CARD9: variants seen among roughly 807,000 people sequenced by gnomAD.
The protein encoded by CARD9 is caspase recruitment domain-containing protein 9.
CARD9 carries 53 observed loss-of-function variants against 66.0 expected under a neutral mutation model. That is an observed-to-expected ratio of 0.80 (90% CI 0.64 to 1.01). The LOEUF is 1.01. CARD9 is among the 50% of genes least tolerant of loss of function. CARD9 has a pLI of 0.00. For missense variants in CARD9, 769 were observed against 743.2 expected (o/e 1.03, Z -0.40); for synonymous variants, 387 against 313.8 (o/e 1.23, Z -2.47).
Position 136,364,074 on chromosome 9 carries a change from T to C in CARD9, c.*228A>G. 2 of 1,548,304 alleles carry C rather than the reference T, an allele frequency of 1.3e-6. No homozygotes were observed. The highest frequency in any genetic ancestry group is 2.0e-5 in the Admixed American group (1 of 51,008). The stretch of plus-strand genomic sequence containing the variant: ...AGATCCTGAAGTTACACAGATGGCG[T>C]GTGCATGGGGGTGGTGAGCACCCGC... On this transcript the variant is annotated 3_prime_UTR_variant, in exon 13 of 13. Coordinates refer to ENST00000371732, the MANE Select transcript of CARD9 (RefSeq NM_052813.5).
intron 11 of CARD9, 107 bp downstream of exon 11, chr9:136,365,027 CTCAGCTG>C: frequency 1.0e-6 from 1 of 998,352 alleles, no homozygotes; most frequent in South Asian, 1.4e-5. Flanking sequence ...GTGGTCACTC[CTCAGCTG>C]TCGTCGGGGC....
Position 136,364,466 on chromosome 9 carries a change from G to A in CARD9, c.1511+17C>T. ...TCCCCAGCCCGTTTTGGAGAAGCCT[G>A]GGGGCCGCCCGCCTACCTGCGGTAG... On this transcript the variant is annotated intron_variant, in intron 12 of 12. Transcript: ENST00000371732. The A allele has an allele frequency of 6.5e-7, 1 of 1,540,584 alleles. No homozygotes were observed. Among genetic ancestry groups the A allele is most frequent in the Non-Finnish European group, 8.7e-7 (1 of 1,146,876 alleles).
Position 136,367,214 on chromosome 9 carries a change from ACCT to A in CARD9, c.1310_1311+1del. Reference sequence around the variant, plus strand: ...CCTCGTGCTGGCTGGGGTCTCACTCACCTCCTGGGACCTCCTGGGTGAGCCATC... The same window carrying A: ...CCTCGTGCTGGCTGGGGTCTCACTCACCTGGGACCTCCTGGGTGAGCCATC... On this transcript the variant is annotated splice_donor_variant and coding_sequence_variant, in exon 9 of 13. Transcript: ENST00000371732. LOFTEE classifies it high-confidence loss of function. 1 of 1,611,624 alleles carries A rather than the reference ACCT, an allele frequency of 6.2e-7. No homozygotes were observed. Among genetic ancestry groups the A allele is most frequent in the Non-Finnish European group, 8.5e-7 (1 of 1,179,528 alleles).
Position 136,371,477 on chromosome 9 carries a change from G to A in CARD9, c.185-16C>T, listed in dbSNP as rs753610539. 17 of 1,521,340 alleles carry A rather than the reference G, an allele frequency of 1.1e-5. No individual in the cohort carries two copies. The allele number at this position is 1,521,340 out of a possible 1,614,324, so 94.2% of individuals were successfully genotyped here. ...AGGAGCACACCTGCGGGCCAGAGAGGCCTAACTGGGGGCGGGGCACAGGCG... is the reference window on the plus strand; with the variant it reads ...AGGAGCACACCTGCGGGCCAGAGAGACCTAACTGGGGGCGGGGCACAGGCG... On this transcript the variant is annotated splice_polypyrimidine_tract_variant and intron_variant, in intron 2 of 12. Coordinates refer to ENST00000371732, the MANE Select transcript of CARD9 (RefSeq NM_052813.5).
At chr9:136,368,344 C>A (rs961749623) in intron 7 of CARD9, among the ~76,000 whole-genome samples, 2 of 152,248 alleles carry the variant, frequency 1.3e-5, no homozygotes, top group Non-Finnish European at 2.9e-5. Context: ...GGCCAACGCG[C>A]TCCCGGGAAG....
chr9:136,369,066 T>G (rs1431411042), intron 7 of CARD9, among the ~76,000 whole-genome samples: 1 of 152,136 alleles, frequency 6.6e-6, no homozygotes, highest in Non-Finnish European at 1.5e-5. Flanking sequence ...GTGAGCCGCC[T>G]GCCTCGCCCT....
In CARD9 at chr9:136,373,559, C is replaced by T. The variant is rs894473411; in HGVS notation, c.-44G>A. The T allele has an allele frequency of 1.0e-6, 1 of 985,704 alleles. No homozygotes were observed. The highest frequency in any genetic ancestry group is 1.2e-6 in the Non-Finnish European group (1 of 830,140). The allele number at this position is 985,704 out of a possible 1,614,324, so 61.1% of individuals were successfully genotyped here. A position where few individuals can be genotyped will look rare whatever the true frequency, so the allele number is the denominator to read the frequency against. The stretch of plus-strand genomic sequence containing the variant: ...GAGGGTCTTCCAGGAGCCACCTGCA[C>T]TGCAGACACACCAGGAGCCTGGGCC... On this transcript the variant is annotated 5_prime_UTR_variant, in exon 1 of 13. It adds an upstream start codon to the 5' untranslated region. Coordinates refer to ENST00000371732, the MANE Select transcript of CARD9 (RefSeq NM_052813.5).
chr9:136,365,698 C>G (rs977429406), intron 10 of CARD9: 19 of 177,324 alleles, frequency 1.1e-4, no homozygotes, highest in African/African-American at 4.5e-4. Context: ...CCCTCAGAAA[C>G]CGCCAGGACC....
At position 136,366,298 on chromosome 9, in the gene CARD9, G is replaced by A. The variant is rs546249237; in HGVS notation, c.1357+502C>T. Reference sequence around the variant, plus strand: ...CACTGCCTTACCCCCACTGCACCGGGACACAGCAGGCCCTTGGCCACCCCT... The same window carrying A: ...CACTGCCTTACCCCCACTGCACCGGAACACAGCAGGCCCTTGGCCACCCCT... On this transcript the variant is annotated intron_variant, in intron 10 of 12. Coordinates refer to ENST00000371732, the MANE Select transcript of CARD9 (RefSeq NM_052813.5). 3.3e-5 allele frequency: 6 copies of A among 180,104 alleles called. No homozygotes were observed. The South Asian group carries it at 6.2e-4, about 19-fold the overall frequency. 11.2% of individuals were successfully genotyped at this position (180,104 alleles called of 1,614,324 possible).
intron 8 of CARD9, 31 bp downstream of exon 8, chr9:136,367,606 C>A: frequency 6.5e-7 from 1 of 1,545,448 alleles, no homozygotes. Flanking sequence ...CACGCGCCGG[C>A]TCCCCTCCCT....
Position 136,373,634 on chromosome 9 carries a change from G to A in CARD9, c.-119C>T, listed in dbSNP as rs190979325. Reference sequence around the variant, plus strand: ...CGGGGCTGCAGGGAGGGAGGAGCACGCCGGACGCCTGTGCACTTCCTGATG... The same window carrying A: ...CGGGGCTGCAGGGAGGGAGGAGCACACCGGACGCCTGTGCACTTCCTGATG... On this transcript the variant is annotated 5_prime_UTR_variant, in exon 1 of 13. Coordinates refer to ENST00000371732, the MANE Select transcript of CARD9 (RefSeq NM_052813.5). 35 of 950,556 alleles carry A rather than the reference G, an allele frequency of 3.7e-5. No individual in the cohort carries two copies. The highest frequency in any genetic ancestry group is 4.1e-5 in the Non-Finnish European group (33 of 798,126). 58.9% of individuals were successfully genotyped at this position (950,556 alleles called of 1,614,324 possible). A position where few individuals can be genotyped will look rare whatever the true frequency, so the allele number is the denominator to read the frequency against.
At chr9:136,373,398 G>A (rs112435735) in intron 1 of CARD9, 134 bp downstream of exon 1, 189 of 618,430 alleles carry the variant, frequency 3.1e-4, no homozygotes, top group African/African-American at 1.9e-3. Flanking sequence ...TGAAAGGGAC[G>A]GGGCCGCATG....
In CARD9 at chr9:136,371,989, G is replaced by A; in HGVS notation, c.90C>T (p.Ile30=). 1.2e-6 allele frequency: 2 copies of A among 1,612,788 alleles called. No individual in the cohort carries two copies. The highest frequency in any genetic ancestry group is 1.7e-6 in the Non-Finnish European group (2 of 1,179,896). Residue 30 remains isoleucine (I), a synonymous_variant, in exon 2 of 13, where the codon ATC becomes ATT. Transcript: ENST00000371732. The part of the protein sequence containing the change: ...TLTSVIDPSR[I]TPYLRQCKVL... ...CCTTGCACTGCCGCAGGTAAGGTGT[G>A]ATGCGTGAGGGGTCGATGACCGAGG...
At chr9:136,365,421 C>A (rs115818856) in intron 10 of CARD9, 1 of 588,812 alleles carries the variant, frequency 1.7e-6, no homozygotes, top group Non-Finnish European at 3.0e-6. Flanking sequence ...TCCAGGAGGC[C>A]GCCAGATGCC....
At chr9:136,367,412 G>T in intron 8 of CARD9, 155 bp from the exon 9 acceptor site, 1 of 1,001,612 alleles carries the variant, frequency 1.0e-6, no homozygotes, top group Non-Finnish European at 1.5e-6. Flanking sequence ...CTGCTAGGCT[G>T]CCTGATGGCC....
chr9:136,370,379 T>A lies in CARD9; in HGVS notation c.866A>T (p.Gln289Leu). The A allele has an allele frequency of 6.2e-7, 1 of 1,610,494 alleles. No individual in the cohort carries two copies. Among genetic ancestry groups the A allele is most frequent in the Non-Finnish European group, 8.5e-7 (1 of 1,179,186 alleles). ...CTGCTCCTGGTGGTCCCGCAGCGCC[T>A]GCCGCCAGTCCTCCTCCAGTACCTG... Reference protein sequence around the residue: ...YIQVLEEDWRQALRDHQEQAN... With the variant: ...YIQVLEEDWRLALRDHQEQAN... The change falls in exon 6 of 13, where the codon CAG (glutamine) becomes CTG (leucine). Residue 289 changes from glutamine to leucine, a missense_variant. Transcript: ENST00000371732.
intron 6 of CARD9, 64 bp from the exon 7 acceptor site, chr9:136,369,939 A>G: frequency 6.2e-7 from 1 of 1,600,622 alleles, no homozygotes; most frequent in Middle Eastern, 1.7e-4. Flanking sequence ...CTTGGGGTAT[A>G]CTCCGGGCAG....
At position 136,364,304 on chromosome 9, in the gene CARD9, A is replaced by G. The variant is rs1405807688; in HGVS notation, c.1609T>C (p.Ter537GlnextTer59). Residue 537 changes from the stop codon to glutamine (Q), a stop_lost, in exon 13 of 13, where the codon TAG becomes CAG. Transcript: ENST00000371732. ...GSDNTDTEGS* is the reference protein window; with the variant it reads ...GSDNTDTEGSQ Reference sequence around the variant, plus strand: ...GGTCGGGGCCTGCGCTGCTGCGGCTAGGAGCCCTCAGTGTCGGTGTTGTCG... The same window carrying G: ...GGTCGGGGCCTGCGCTGCTGCGGCTGGGAGCCCTCAGTGTCGGTGTTGTCG... 1.0e-5 allele frequency: 16 copies of G among 1,556,666 alleles called. No homozygotes were observed. Among genetic ancestry groups the G allele is most frequent in the Non-Finnish European group, 1.4e-5 (16 of 1,150,558 alleles).
chr9:136,370,475 C>G (rs780965321), intron 5 of CARD9, 38 bp from the exon 6 acceptor site: 15 of 1,604,738 alleles, frequency 9.3e-6, no homozygotes, highest in Non-Finnish European at 8.5e-7. Flanking sequence ...GCTGGGAAGG[C>G]CCCCACTGCC....
Sources: allele counts gnomAD v4.1 joint callset (sites outside exome capture counted in the v4.1 genomes callset), GRCh38; gene constraint gnomAD v4.1.1; transcripts MANE v1.5; gene names NCBI Gene and HGNC (gene_info 2026-07-23, HGNC 2026-07-21).